NAALADL2: variants seen among roughly 807,000 people sequenced by gnomAD.
The protein encoded by NAALADL2 is N-acetylated alpha-linked acidic dipeptidase like 2.
A neutral mutation model predicts 87.2 loss-of-function variants in NAALADL2; 76 were observed. That is an observed-to-expected ratio of 0.87 (90% CI 0.72 to 1.05). The LOEUF is 1.05. Among genes scored for constraint, NAALADL2 ranks in the 50% least tolerant of loss-of-function variants. NAALADL2 has a pLI of 0.00. For synonymous variants in NAALADL2, 354 were observed against 331.0 expected, an observed-to-expected ratio of 1.07 and a Z score of -0.75; for missense variants, 1,089 against 945.8, an observed-to-expected ratio of 1.15 and a Z score of -1.99.
intron 4 of NAALADL2, among the ~76,000 whole-genome samples, chr3:175,262,018 C>A (rs1751127491): frequency 6.6e-6 from 1 of 151,958 alleles, no homozygotes; most frequent in Non-Finnish European, 1.5e-5. Flanking sequence ...GGAGGAGTAG[C>A]ATTATTTAAA....
At chr3:175,421,998 A>G (rs184529213) in intron 5 of NAALADL2, among the ~76,000 whole-genome samples, 1 of 152,186 alleles carries the variant, frequency 6.6e-6, no homozygotes, top group East Asian at 1.9e-4. Context: ...GAGAAAGTGA[A>G]ACAGTGGTAG....
chr3:174,527,325 C>G lies in NAALADL2; in HGVS notation c.-183-23244C>G, dbSNP rs890019769. Among the ~76,000 whole-genome samples, 28 of 151,934 alleles carry G rather than the reference C, an allele frequency of 1.8e-4. 1 individual carries two copies. The East Asian group carries it at 5.5e-3, about 30-fold the overall frequency. On this transcript the variant is annotated intron_variant, in intron 1 of 3. Transcript: ENST00000434257. ...CACAAGGTCAGGAGTTAGAGAACAG[C>G]CTGGCCAACATGGTGAAACTCTGTC...
At position 175,099,909 on chromosome 3, in the gene NAALADL2, A is replaced by G. The variant is rs182058963; in HGVS notation, c.545+2618A>G. Among the ~76,000 whole-genome samples, 367 of 152,160 alleles carry G rather than the reference A, an allele frequency of 2.4e-3. 4 individuals carry two copies. Among genetic ancestry groups the G allele is most frequent in the East Asian group, 2.7e-3 (14 of 5,188 alleles). On this transcript the variant is annotated intron_variant, in intron 2 of 13. Transcript: ENST00000454872. ...AAGAATGAAATGAATGCATGAATAAATGAGAAACAGATCTGTGTTTAATTC... is the reference window on the plus strand; with the variant it reads ...AAGAATGAAATGAATGCATGAATAAGTGAGAAACAGATCTGTGTTTAATTC...
intron 2 of NAALADL2, among the ~76,000 whole-genome samples, chr3:174,642,506 A>AT (rs1491556637): frequency 4.3e-5 from 3 of 69,462 alleles, no homozygotes; most frequent in Non-Finnish European, 7.5e-5. Context: ...GTCTCTGGGG[A>AT]TAAAAAAAAA....
intron 10 of NAALADL2, among the ~76,000 whole-genome samples, chr3:175,604,353 G>A (rs1723386667): frequency 6.9e-6 from 1 of 143,978 alleles, no homozygotes; most frequent in Admixed American, 7.2e-5. Flanking sequence ...GCCCTGGCTG[G>A]AGTACAGTGG....
chr3:175,464,793 T>C (rs1272271784), intron 7 of NAALADL2, among the ~76,000 whole-genome samples: 1 of 152,214 alleles, frequency 6.6e-6, no homozygotes, highest in African/African-American at 2.4e-5. Context: ...GAACAACCTC[T>C]GATTATAGTT....
intron 5 of NAALADL2, among the ~76,000 whole-genome samples, chr3:175,398,833 C>T (rs933126958): frequency 8.6e-5 from 13 of 151,848 alleles, no homozygotes; most frequent in African/African-American, 3.1e-4. Context: ...ATTTATGTTA[C>T]AGGATAGGGG....
intron 5 of NAALADL2, among the ~76,000 whole-genome samples, chr3:175,384,751 TTTA>T (rs543705662): frequency 9.6e-4 from 145 of 151,000 alleles, no homozygotes; most frequent in Admixed American, 2.9e-3. Context: ...CAATTTTTGT[TTTA>T]TTTATTTATT....
intron 1 of NAALADL2, among the ~76,000 whole-genome samples, chr3:174,923,994 T>C (rs1229761275): frequency 6.6e-6 from 1 of 152,156 alleles, no homozygotes; most frequent in South Asian, 2.1e-4. Context: ...TAGGACTGAC[T>C]AGGTTTTTAA....
chr3:174,519,368 G>A (rs1352915795), intron 1 of NAALADL2, among the ~76,000 whole-genome samples: 2 of 107,210 alleles, frequency 1.9e-5, no homozygotes, highest in South Asian at 5.8e-4. Context: ...ACTCTTTTTT[G>A]CCCAGGCTGG....
At chr3:175,468,952 A>C (rs780817890) in intron 8 of NAALADL2, among the ~76,000 whole-genome samples, 2 of 152,074 alleles carry the variant, frequency 1.3e-5, no homozygotes, top group Non-Finnish European at 2.9e-5. Flanking sequence ...ATATTTTCTT[A>C]GTCAATGATG....
At chr3:174,837,484 G>A (rs887081776) in intron 3 of NAALADL2, among the ~76,000 whole-genome samples, 7 of 152,148 alleles carry the variant, frequency 4.6e-5, no homozygotes, top group African/African-American at 1.7e-4. Context: ...CAAGCAATGA[G>A]ATTGAAATGG....
intron 9 of NAALADL2, among the ~76,000 whole-genome samples, chr3:175,498,887 A>C (rs1729169408): frequency 6.6e-6 from 1 of 152,080 alleles, no homozygotes. Context: ...CTAGCAAAGT[A>C]ATGCAATCAT....
chr3:175,721,865 T>C (rs1233389729), intron 11 of NAALADL2, among the ~76,000 whole-genome samples: 2 of 152,110 alleles, frequency 1.3e-5, no homozygotes, highest in Non-Finnish European at 2.9e-5. Context: ...TAGAGCATAA[T>C]GAAATCAGGA....
chr3:175,445,246 G>A (rs77943860), intron 5 of NAALADL2, among the ~76,000 whole-genome samples: 2,009 of 151,700 alleles, frequency 0.013, 28 homozygotes, highest in Middle Eastern at 0.024. Flanking sequence ...TATTCTATTC[G>A]TGTACTTTTT....
At chr3:175,675,265 C>T (rs1462162840) in intron 11 of NAALADL2, 1 of 152,144 alleles carries the variant, frequency 6.6e-6, no homozygotes, top group African/African-American at 2.4e-5. Flanking sequence ...TATGAAATGG[C>T]TTTTAAAGTA....
intron 2 of NAALADL2, among the ~76,000 whole-genome samples, chr3:174,655,872 A>ACATTGC (rs1328206964): frequency 1.3e-5 from 2 of 152,208 alleles, no homozygotes; most frequent in Non-Finnish European, 2.9e-5. Context: ...CAAAATCAGA[A>ACATTGC]CATTGCCTAT....
chr3:175,107,835 A>T (rs1455500679), intron 2 of NAALADL2, among the ~76,000 whole-genome samples: 1 of 151,870 alleles, frequency 6.6e-6, no homozygotes, highest in African/African-American at 2.4e-5. Context: ...CAAATACTTC[A>T]AATATATTAC....
chr3:175,051,755 T>C, intron 1 of NAALADL2, among the ~76,000 whole-genome samples: 1 of 152,338 alleles, frequency 6.6e-6, no homozygotes. Context: ...TAGGGTCTGG[T>C]TGTCACAAAT....
Sources: gnomAD v4.1 joint callset for allele counts (sites outside exome capture counted in the v4.1 genomes callset) on GRCh38, gnomAD v4.1.1 for gene constraint, MANE v1.5 for transcripts, NCBI Gene and HGNC (gene_info 2026-07-23, HGNC 2026-07-21) for gene names.